The following SRRM4 variants were observed in gnomAD, a reference collection of about 807,000 sequenced individuals.
The protein encoded by SRRM4 is serine/arginine repetitive matrix protein 4.
SRRM4 carries 33 observed loss-of-function variants against 68.9 expected under a neutral mutation model. The observed-to-expected ratio is 0.48, with a 90% CI of 0.36 to 0.64. SRRM4 has a LOEUF of 0.64. Among genes scored for constraint, SRRM4 ranks in the 30% least tolerant of loss-of-function variants. The pLI is 0.00. For missense variants in SRRM4, 817 were observed against 827.1 expected, an observed-to-expected ratio of 0.99 and a Z score of 0.15; for synonymous variants, 318 against 318.8, an observed-to-expected ratio of 1.00 and a Z score of 0.03.
intron 2 of SRRM4, among the ~76,000 whole-genome samples, chr12:119,105,341 T>C (rs148908378): frequency 0.077 from 11,726 of 152,206 alleles, 505 homozygotes; most frequent in Admixed American, 0.1. Context: ...ACCCAGTAAT[T>C]GGATGGCTGC....
chr12:119,135,097 T>G (rs1458052564), intron 8 of SRRM4, among the ~76,000 whole-genome samples: 2 of 152,060 alleles, frequency 1.3e-5, no homozygotes, highest in Admixed American at 1.3e-4. Flanking sequence ...GTAACAAAAT[T>G]GGGAGAAAGG....
chr12:119,047,699 G>C (rs1953716135), intron 1 of SRRM4, among the ~76,000 whole-genome samples: 1 of 152,212 alleles, frequency 6.6e-6, no homozygotes. Context: ...ACCTGGACAA[G>C]TTCCAACGTG....
chr12:119,064,487 C>T (rs143692220), intron 1 of SRRM4, among the ~76,000 whole-genome samples: 3 of 152,248 alleles, frequency 2.0e-5, no homozygotes, highest in East Asian at 3.9e-4. Flanking sequence ...CTCTGGTTTC[C>T]TGTTTATTAA....
intron 1 of SRRM4, among the ~76,000 whole-genome samples, chr12:119,032,996 C>T (rs6490229): frequency 0.3 from 45,660 of 151,680 alleles, 7,198 homozygotes; most frequent in Non-Finnish European, 0.35. Flanking sequence ...TTCTTTTTTC[C>T]TGCTTTATCC....
chr12:119,037,031 G>A (rs1056571315), intron 1 of SRRM4: 2 of 152,178 alleles, frequency 1.3e-5, no homozygotes, highest in Admixed American at 6.5e-5. Context: ...GAAATGGATT[G>A]TGGTGGAAAC....
chr12:119,045,773 C>T (rs1424778473), intron 1 of SRRM4, among the ~76,000 whole-genome samples: 1 of 152,068 alleles, frequency 6.6e-6, no homozygotes, highest in Admixed American at 6.6e-5. Flanking sequence ...CATGGTGGCT[C>T]AAGCCTGTAA....
chr12:119,116,141 A>G (rs1954178467), intron 3 of SRRM4, among the ~76,000 whole-genome samples: 2 of 152,148 alleles, frequency 1.3e-5, no homozygotes, highest in African/African-American at 2.4e-5. Flanking sequence ...TTAGCATTGA[A>G]TTTGTAACCT....
intron 2 of SRRM4, among the ~76,000 whole-genome samples, chr12:119,102,916 C>A (rs896530461): frequency 2.6e-5 from 4 of 152,166 alleles, no homozygotes; most frequent in Non-Finnish European, 5.9e-5. Flanking sequence ...TATACACATA[C>A]TCCATAAAAA....
At chr12:119,077,997 A>C (rs746059774) in intron 1 of SRRM4, among the ~76,000 whole-genome samples, 1 of 151,922 alleles carries the variant, frequency 6.6e-6, no homozygotes, top group South Asian at 2.1e-4. Context: ...AGCCTCAACT[A>C]TGCTCAAATG....
At chr12:119,015,736 T>C (rs1285737835) in intron 1 of SRRM4, among the ~76,000 whole-genome samples, 2 of 152,126 alleles carry the variant, frequency 1.3e-5, no homozygotes, top group Non-Finnish European at 2.9e-5. Flanking sequence ...TAACAAACAA[T>C]ACGCAAATTC....
At chr12:119,023,569 G>A (rs1953529611) in intron 1 of SRRM4, among the ~76,000 whole-genome samples, 1 of 152,294 alleles carries the variant, frequency 6.6e-6, no homozygotes, top group Middle Eastern at 3.4e-3. Context: ...CTTACCATCA[G>A]GCTCTGGTCT....
At chr12:119,100,057 A>C (rs1954068752) in intron 1 of SRRM4, among the ~76,000 whole-genome samples, 1 of 152,104 alleles carries the variant, frequency 6.6e-6, no homozygotes, top group Non-Finnish European at 1.5e-5. Flanking sequence ...AACCACCCAA[A>C]TTTTAAGATT....
At chr12:119,039,520 A>G (rs1429168453) in intron 1 of SRRM4, among the ~76,000 whole-genome samples, 2 of 152,184 alleles carry the variant, frequency 1.3e-5, no homozygotes, top group East Asian at 3.8e-4. Context: ...TCATCACTTC[A>G]AAGTTTGAAC....
At chr12:119,095,959 CAAAA>C (rs34062118) in intron 1 of SRRM4, among the ~76,000 whole-genome samples, 5 of 105,968 alleles carry the variant, frequency 4.7e-5, no homozygotes, top group Non-Finnish European at 3.7e-5. Context: ...GCCTCAGTCT[CAAAA>C]AAAAAAAAAA....
At chr12:119,047,648 A>T (rs1462362215) in intron 1 of SRRM4, among the ~76,000 whole-genome samples, 1 of 152,222 alleles carries the variant, frequency 6.6e-6, no homozygotes, top group Non-Finnish European at 1.5e-5. Flanking sequence ...GCTTGGGTTT[A>T]GATCTGTTTC....
chr12:119,052,115 A>T (rs529378052), intron 1 of SRRM4, among the ~76,000 whole-genome samples: 1 of 152,314 alleles, frequency 6.6e-6, no homozygotes, highest in East Asian at 1.9e-4. Flanking sequence ...TTTCTCCTCA[A>T]GAGGCTGAAT....
intron 1 of SRRM4, among the ~76,000 whole-genome samples, chr12:118,997,715 TAG>T (rs1346067009): frequency 1.3e-5 from 2 of 152,126 alleles, no homozygotes; most frequent in African/African-American, 4.8e-5. Flanking sequence ...GGGGAAAATA[TAG>T]AGAGAGGGAA....
intron 1 of SRRM4, among the ~76,000 whole-genome samples, chr12:118,987,157 C>T (rs1279391422): frequency 6.6e-6 from 1 of 152,156 alleles, no homozygotes; most frequent in Non-Finnish European, 1.5e-5. Flanking sequence ...CTAGTCACTT[C>T]ACCTCTTTGT....
intron 1 of SRRM4, among the ~76,000 whole-genome samples, chr12:119,023,221 T>C (rs1953526954): frequency 6.6e-6 from 1 of 152,296 alleles, no homozygotes; most frequent in East Asian, 1.9e-4. Flanking sequence ...GAAGAAAGTA[T>C]CTGCTGGGTG....
Sources: allele counts gnomAD v4.1 joint callset (sites outside exome capture counted in the v4.1 genomes callset), GRCh38; gene constraint gnomAD v4.1.1; transcripts MANE v1.5; gene names NCBI Gene and HGNC (gene_info 2026-07-23, HGNC 2026-07-21).